Variants in NCKAP5 observed in about 807,000 individuals in gnomAD.
NCKAP5 encodes the protein nck-associated protein 5.
Under a neutral mutation model 167.0 loss-of-function variants are expected in NCKAP5, and 92 were observed. That is an observed-to-expected ratio of 0.55 (90% CI 0.47 to 0.66). The LOEUF (loss-of-function observed/expected upper bound fraction) is 0.66, where lower values mean the gene tolerates loss of function less well. NCKAP5 is among the 30% of genes least tolerant of loss of function. The probability of loss-of-function intolerance (pLI) is 0.00; values close to 1 mark genes in which losing one functional copy is unlikely to be tolerated. For synonymous variants in NCKAP5, 891 were observed against 877.4 expected, an observed-to-expected ratio of 1.02 and a Z score of -0.27; for missense variants, 2,378 against 2,315.0, an observed-to-expected ratio of 1.03 and a Z score of -0.56.
chr2:133,094,252 G>A (rs2081278423), intron 6 of NCKAP5, among the ~76,000 whole-genome samples: 1 of 152,346 alleles, frequency 6.6e-6, no homozygotes, highest in Admixed American at 6.5e-5. Flanking sequence ...ACAGCTGAGA[G>A]AGATATAGGA....
In NCKAP5 at chr2:133,266,699, A is replaced by G. The variant is rs559622159; in HGVS notation, c.143+36338T>C. Among the ~76,000 whole-genome samples, 505 of 152,176 alleles carry G rather than the reference A, an allele frequency of 3.3e-3. 3 individuals carry two copies. Among genetic ancestry groups the G allele is most frequent in the Non-Finnish European group, 4.7e-3 (319 of 67,980 alleles). On this transcript the variant is annotated intron_variant, in intron 4 of 19. Transcript: ENST00000409261. ...GCCACGCGCTCACCGCAGCCCGGGC[A>G]CCTCGCGCTCCTCCGCTTTGTTGTG...
At chr2:133,637,476 CAAA>C in the NCKAP5 span, among the ~76,000 whole-genome samples, 18 of 31,672 alleles carry the variant, frequency 5.7e-4, no homozygotes, top group East Asian at 4.2e-3. Context: ...TGGTATTTTC[CAAA>C]AAAAAAAAAA....
chr2:132,870,479 C>T (rs1690723098), intron 9 of NCKAP5, among the ~76,000 whole-genome samples: 1 of 151,890 alleles, frequency 6.6e-6, no homozygotes, highest in Admixed American at 6.6e-5. Flanking sequence ...TTCATTTATC[C>T]AATATAAATT....
intron 3 of NCKAP5, among the ~76,000 whole-genome samples, chr2:133,404,393 A>C (rs1203633236): frequency 1.3e-5 from 2 of 152,238 alleles, no homozygotes; most frequent in Non-Finnish European, 2.9e-5. Flanking sequence ...ACCGAGCCCT[A>C]TATACATTAC....
chr2:132,686,836 T>A (rs1397195118), intron 19 of NCKAP5, among the ~76,000 whole-genome samples: 2 of 152,192 alleles, frequency 1.3e-5, no homozygotes, highest in East Asian at 3.8e-4. Context: ...CCCCAGTAAG[T>A]AAACAGGAAA....
intron 19 of NCKAP5, among the ~76,000 whole-genome samples, chr2:132,714,690 G>A (rs191746078): frequency 1.2e-4 from 18 of 152,158 alleles, no homozygotes; most frequent in African/African-American, 4.1e-4. Context: ...GGTGGCGCAT[G>A]CCTCTAATCC....
chr2:132,879,117 T>C (rs1405594797), intron 8 of NCKAP5, among the ~76,000 whole-genome samples: 2 of 152,138 alleles, frequency 1.3e-5, no homozygotes, highest in Non-Finnish European at 1.5e-5. Flanking sequence ...CTAAAATACA[T>C]GAGAACTTAA....
At chr2:133,514,391 G>A (rs911299880) in intron 3 of NCKAP5, among the ~76,000 whole-genome samples, 4 of 152,118 alleles carry the variant, frequency 2.6e-5, no homozygotes, top group African/African-American at 7.2e-5. Context: ...CATGCCACGT[G>A]ACTAAGGACC....
chr2:133,285,631 T>A (rs889388728), intron 4 of NCKAP5, among the ~76,000 whole-genome samples: 1 of 152,122 alleles, frequency 6.6e-6, no homozygotes, highest in Non-Finnish European at 1.5e-5. Flanking sequence ...CAAAAAGCAA[T>A]GTCTTCCTTT....
chr2:133,210,749 A>T (rs1386178593), intron 5 of NCKAP5, among the ~76,000 whole-genome samples: 3 of 152,232 alleles, frequency 2.0e-5, no homozygotes, highest in Non-Finnish European at 2.9e-5. Flanking sequence ...AGAAATAGTT[A>T]CTGAGGAACA....
chr2:132,709,162 C>A (rs1267522937), intron 19 of NCKAP5, among the ~76,000 whole-genome samples: 2 of 151,644 alleles, frequency 1.3e-5, no homozygotes, highest in Admixed American at 6.6e-5. Context: ...CCCACCAAAC[C>A]AAAAGCAAGT....
intron 4 of NCKAP5, among the ~76,000 whole-genome samples, chr2:133,240,301 A>G (rs1208352552): frequency 1.3e-5 from 2 of 152,242 alleles, no homozygotes; most frequent in East Asian, 1.9e-4. Flanking sequence ...AGATAAAAAT[A>G]TATGCATTTC....
chr2:133,353,681 A>C (rs1684515800), intron 3 of NCKAP5, among the ~76,000 whole-genome samples: 1 of 152,188 alleles, frequency 6.6e-6, no homozygotes, highest in African/African-American at 2.4e-5. Context: ...TGGTGAGAAA[A>C]GCAGAAGAAC....
At position 132,860,615 on chromosome 2, in the gene NCKAP5, C is replaced by A. The variant is rs369124189; in HGVS notation, c.688-4G>T. ...TCACACATTCCTCTCTTAGATCCTACAACAAACACATCGAAGGAGGAAAAA... is the reference window on the plus strand; with the variant it reads ...TCACACATTCCTCTCTTAGATCCTAAAACAAACACATCGAAGGAGGAAAAA... On this transcript the variant is annotated splice_region_variant and splice_polypyrimidine_tract_variant and intron_variant, in intron 10 of 19. Transcript: ENST00000409261. The A allele has an allele frequency of 6.4e-6, 10 of 1,565,488 alleles. No homozygotes were observed. The African/African-American group carries it at 8.1e-5, about 13-fold the overall frequency.
chr2:133,092,081 C>A (rs934138878), intron 6 of NCKAP5, among the ~76,000 whole-genome samples: 13 of 152,140 alleles, frequency 8.5e-5, no homozygotes, highest in Admixed American at 7.9e-4. Flanking sequence ...TTCATGGCCA[C>A]CACAGTGGGT....
chr2:133,317,860 C>T (rs796746027), intron 3 of NCKAP5, among the ~76,000 whole-genome samples: 3 of 152,306 alleles, frequency 2.0e-5, no homozygotes, highest in African/African-American at 7.2e-5. Flanking sequence ...CAGATCTTTA[C>T]ATCTGACCAT....
chr2:133,261,016 C>A (rs1328568619), intron 4 of NCKAP5, among the ~76,000 whole-genome samples: 1 of 152,080 alleles, frequency 6.6e-6, no homozygotes. Context: ...ATAATGTGGT[C>A]TTTAGACTAG....
intron 3 of NCKAP5, among the ~76,000 whole-genome samples, chr2:133,419,025 T>C (rs1383215290): frequency 6.6e-6 from 1 of 152,158 alleles, no homozygotes; most frequent in African/African-American, 2.4e-5. Context: ...CAAGCAGATT[T>C]GCACTACAAG....
intron 8 of NCKAP5, among the ~76,000 whole-genome samples, chr2:132,948,243 A>C (rs1697908659): frequency 6.6e-6 from 1 of 152,240 alleles, no homozygotes; most frequent in East Asian, 1.9e-4. Flanking sequence ...TCAAGGGAAA[A>C]GTGGGCCCCT....
Sources: allele counts gnomAD v4.1 joint callset (sites outside exome capture counted in the v4.1 genomes callset), GRCh38; gene constraint gnomAD v4.1.1; transcripts MANE v1.5; gene names NCBI Gene and HGNC (gene_info 2026-07-23, HGNC 2026-07-21).